Variants in ZNF865 observed in about 807,000 individuals in gnomAD.
ZNF865 encodes zinc finger protein 865.
For missense variants in ZNF865, 1,311 were observed against 1,593.4 expected (o/e 0.82, Z 3.02); for synonymous variants, 763 against 750.8 (o/e 1.02, Z -0.27).
chr19:55,616,808 T>G lies in ZNF865; in HGVS notation c.*10T>G. On this transcript the variant is annotated 3_prime_UTR_variant, in exon 2 of 2. Transcript: ENST00000568956. ...CGGGAAGGATGCCTGACCGAGGGGT[T>G]CCCATCCCACTCCCATCAAAAGCCC... is the stretch of plus-strand genomic sequence containing the variant. 2 of 1,438,456 alleles carry G rather than the reference T, an allele frequency of 1.4e-6. No individual in the cohort carries two copies. The highest frequency in any genetic ancestry group is 1.8e-6 in the Non-Finnish European group (2 of 1,101,298). 89.1% of individuals were successfully genotyped at this position (1,438,456 alleles called of 1,614,324 possible). A position where few individuals can be genotyped will look rare whatever the true frequency, so the allele number is the denominator to read the frequency against.
At chr19:55,613,088 GA>G in intron 1 of ZNF865, 1 of 154,026 alleles carries the variant, frequency 6.5e-6, no homozygotes, top group Non-Finnish European at 1.4e-5. Context: ...ATTGGAGTCT[GA>G]AAAGGAGAGA....
chr19:55,614,452 A>G lies in ZNF865; in HGVS notation c.834A>G (p.Pro278=). The change falls in exon 2 of 2, where the codon CCA becomes CCG. Residue 278 remains proline, a synonymous_variant. Coordinates refer to ENST00000568956, the MANE Select transcript of ZNF865 (RefSeq NM_001195605.2). This position sits in a 1 kb window ranked among gnomAD's most constrained non-coding sequence, Gnocchi z 8.0. ...IRHRRCHKDV[P]PAAGGPPQPG... ...ACCGCCGCTGCCACAAGGACGTGCC[A>G]CCGGCCGCGGGGGGCCCGCCCCAGC... The G allele has an allele frequency of 7.0e-7, 1 of 1,426,388 alleles. No homozygotes were observed. Among genetic ancestry groups the G allele is most frequent in the Non-Finnish European group, 9.2e-7 (1 of 1,089,674 alleles). 88.4% of individuals were successfully genotyped at this position (1,426,388 alleles called of 1,614,324 possible). A position where few individuals can be genotyped will look rare whatever the true frequency, so the allele number is the denominator to read the frequency against.
chr19:55,614,262 G>A lies in ZNF865; in HGVS notation c.644G>A (p.Arg215Lys), dbSNP rs1046614274. 7 of 1,516,068 alleles carry A rather than the reference G, an allele frequency of 4.6e-6. No individual in the cohort carries two copies. Among genetic ancestry groups the A allele is most frequent in the African/African-American group, 2.8e-5 (2 of 70,424 alleles). The allele number at this position is 1,516,068 out of a possible 1,614,324, so 93.9% of individuals were successfully genotyped here. The change falls in exon 2 of 2, where the codon AGA becomes AAA. Residue 215 changes from arginine (R) to lysine (K), a missense_variant. Physicochemically the swap from Arg to Lys is conservative, Grantham distance 26 (BLOSUM62 2). Coordinates refer to ENST00000568956, the MANE Select transcript of ZNF865 (RefSeq NM_001195605.2). The surrounding 1 kb of genome is among the most constrained non-coding windows in gnomAD (Gnocchi z 8.0). Reference protein sequence around the residue: ...PTKDDKGYFRRLKYLMERRFP... With the variant: ...PTKDDKGYFRKLKYLMERRFP... ...AAGGACGACAAGGGCTACTTCCGGA[G>A]ACTGAAGTACCTGATGGAGCGGCGC... is the stretch of plus-strand genomic sequence containing the variant.
chr19:55,616,198 G>C lies in ZNF865; in HGVS notation c.2580G>C (p.Ala860=). 2.6e-6 allele frequency: 4 copies of C among 1,522,504 alleles called. No individual in the cohort carries two copies. Among genetic ancestry groups the C allele is most frequent in the Non-Finnish European group, 2.6e-6 (3 of 1,139,658 alleles). 94.3% of individuals were successfully genotyped at this position (1,522,504 alleles called of 1,614,324 possible). A position where few individuals can be genotyped will look rare whatever the true frequency, so the allele number is the denominator to read the frequency against. Reference sequence around the variant, plus strand: ...TGTGCGGGAAGCGCTTCTGGGAGGCGGCCCTGCTGATGCGCCACCAGCGCT... The same window carrying C: ...TGTGCGGGAAGCGCTTCTGGGAGGCCGCCCTGCTGATGCGCCACCAGCGCT... The part of the protein sequence containing the change: ...CPVCGKRFWE[A]ALLMRHQRCH... The change falls in exon 2 of 2, where the codon GCG becomes GCC. Residue 860 remains alanine (A), a synonymous_variant. Transcript: ENST00000568956.
In ZNF865 at chr19:55,614,958, G is replaced by T; in HGVS notation, c.1340G>T (p.Gly447Val). ...CCCGTGTACCCCTGCGACCTGTGCG[G>T]CAAGTCCTACTCGGCTCCGCAGAGC... ...PRPVYPCDLCGKSYSAPQSLL... is the reference protein window; with the variant it reads ...PRPVYPCDLCVKSYSAPQSLL... The change falls in exon 2 of 2, where the codon GGC becomes GTC. Residue 447 changes from glycine (G) to valine (V), a missense_variant. Coordinates refer to ENST00000568956, the MANE Select transcript of ZNF865 (RefSeq NM_001195605.2). The surrounding 1 kb of genome is among the most constrained non-coding windows in gnomAD (Gnocchi z 8.0). 1 of 1,469,736 alleles carries T rather than the reference G, an allele frequency of 6.8e-7. No individual in the cohort carries two copies. Among genetic ancestry groups the T allele is most frequent in the South Asian group, 1.3e-5 (1 of 74,412 alleles). 91.0% of individuals were successfully genotyped at this position (1,469,736 alleles called of 1,614,324 possible). A position where few individuals can be genotyped will look rare whatever the true frequency, so the allele number is the denominator to read the frequency against.
At position 55,614,590 on chromosome 19, in the gene ZNF865, C is replaced by G; in HGVS notation, c.972C>G (p.Ala324=). 6.6e-7 allele frequency: 1 copy of G among 1,518,452 alleles called. No homozygotes were observed. The highest frequency in any genetic ancestry group is 1.2e-5 in the South Asian group (1 of 81,804). 94.1% of individuals were successfully genotyped at this position (1,518,452 alleles called of 1,614,324 possible). ...SGPPATPVAP[A]PSADGSAAPA... ...CTCCAGCCACGCCCGTGGCGCCTGC[C>G]CCCTCCGCAGACGGGAGCGCCGCCC... Residue 324 remains alanine, a synonymous_variant, in exon 2 of 2, where the codon GCC becomes GCG. Coordinates refer to ENST00000568956, the MANE Select transcript of ZNF865 (RefSeq NM_001195605.2). This position sits in a 1 kb window ranked among gnomAD's most constrained non-coding sequence, Gnocchi z 8.0.
At chr19:55,612,527 G>C (rs917704484) in intron 1 of ZNF865, 2 of 152,174 alleles carry the variant, frequency 1.3e-5, no homozygotes, top group African/African-American at 4.8e-5. Flanking sequence ...TTAGAGCCAA[G>C]GTCTTGCTCT....
chr19:55,608,316 T>G (rs1981013270), intron 1 of ZNF865, among the ~76,000 whole-genome samples: 1 of 150,594 alleles, frequency 6.6e-6, no homozygotes, highest in East Asian at 1.9e-4. Context: ...CTGTGGCTTT[T>G]TTTTTTTTTT....
At chr19:55,609,814 C>G (rs1406450319) in intron 1 of ZNF865, among the ~76,000 whole-genome samples, 1 of 152,204 alleles carries the variant, frequency 6.6e-6, no homozygotes, top group Non-Finnish European at 1.5e-5. Flanking sequence ...GGGTCCCTCC[C>G]CATCATGCTT....
In ZNF865 at chr19:55,616,430, G is replaced by A; in HGVS notation, c.2812G>A (p.Gly938Ser). Residue 938 changes from glycine to serine, a missense_variant, in exon 2 of 2, where the codon GGC (glycine) becomes AGC (serine). Coordinates refer to ENST00000568956, the MANE Select transcript of ZNF865 (RefSeq NM_001195605.2). Reference sequence around the variant, plus strand: ...CCGGCCCCAGCGCTGCAGCGCCTGTGGCAAGACCTTCCGCTACCGCTCCAA... The same window carrying A: ...CCGGCCCCAGCGCTGCAGCGCCTGTAGCAAGACCTTCCGCTACCGCTCCAA... ...VARPQRCSACGKTFRYRSNLL... is the reference protein window; with the variant it reads ...VARPQRCSACSKTFRYRSNLL... 1 of 1,519,986 alleles carries A rather than the reference G, an allele frequency of 6.6e-7. No individual in the cohort carries two copies. Among genetic ancestry groups the A allele is most frequent in the Non-Finnish European group, 8.8e-7 (1 of 1,139,324 alleles). 94.2% of individuals were successfully genotyped at this position (1,519,986 alleles called of 1,614,324 possible). A position where few individuals can be genotyped will look rare whatever the true frequency, so the allele number is the denominator to read the frequency against.
Position 55,611,857 on chromosome 19 carries a change from C to A in ZNF865, c.-26-1736C>A, listed in dbSNP as rs1310111138. ...TGCTTCCCCAGGCCAGCAAGTAGAC[C>A]AAGAACTCGGAGATCAGTTACGGGT... On this transcript the variant is annotated intron_variant, in intron 1 of 1. Coordinates refer to ENST00000568956, the MANE Select transcript of ZNF865 (RefSeq NM_001195605.2). The surrounding 1 kb of genome is among the most constrained non-coding windows in gnomAD (Gnocchi z 4.5). Among the ~76,000 whole-genome samples the A allele has an allele frequency of 6.6e-6, 1 of 152,184 alleles. No homozygotes were observed. Among genetic ancestry groups the A allele is most frequent in the African/African-American group, 2.4e-5 (1 of 41,434 alleles).
In ZNF865 at chr19:55,616,500, G is replaced by A; in HGVS notation, c.2882G>A (p.Arg961His). The change falls in exon 2 of 2, where the codon CGC becomes CAC. Residue 961 changes from arginine to histidine, a missense_variant. By Grantham distance (29) the Arg-to-His change is conservative. Coordinates refer to ENST00000568956, the MANE Select transcript of ZNF865 (RefSeq NM_001195605.2). Reference protein sequence around the residue: ...QRLHLGERAYRCEHCGKGFFY... With the variant: ...QRLHLGERAYHCEHCGKGFFY... Reference sequence around the variant, plus strand: ...CTGCACCTGGGCGAGCGCGCCTACCGCTGTGAGCACTGCGGCAAGGGCTTC... The same window carrying A: ...CTGCACCTGGGCGAGCGCGCCTACCACTGTGAGCACTGCGGCAAGGGCTTC... 6.5e-7 allele frequency: 1 copy of A among 1,534,618 alleles called. No individual in the cohort carries two copies. Among genetic ancestry groups the A allele is most frequent in the Admixed American group, 2.0e-5 (1 of 50,934 alleles).
chr19:55,613,668 G>T lies in ZNF865; in HGVS notation c.50G>T (p.Gly17Val). Residue 17 changes from glycine to valine, a missense_variant, in exon 2 of 2, where the codon GGC becomes GTC. By Grantham distance (109) the Gly-to-Val change is moderately radical. Transcript: ENST00000568956. ...GGCGCCGGGGGTGGCGGGAGCAGCG[G>T]CATCGGGGGCGAGGACGGGGTGCAC... is the stretch of plus-strand genomic sequence containing the variant. ...GSGAGGGGSS[G>V]IGGEDGVHFQ... is the part of the protein sequence containing the mutation. 1 of 1,530,290 alleles carries T rather than the reference G, an allele frequency of 6.5e-7. No individual in the cohort carries two copies. Among genetic ancestry groups the T allele is most frequent in the Non-Finnish European group, 8.7e-7 (1 of 1,144,326 alleles). 94.8% of individuals were successfully genotyped at this position (1,530,290 alleles called of 1,614,324 possible).
At position 55,614,072 on chromosome 19, in the gene ZNF865, C is replaced by G. The variant is rs898798316; in HGVS notation, c.454C>G (p.Leu152Val). The change falls in exon 2 of 2, where the codon CTC (leucine) becomes GTC (valine). Residue 152 changes from leucine to valine, a missense_variant. Physicochemically the swap from Leu to Val is conservative, Grantham distance 32. Coordinates refer to ENST00000568956, the MANE Select transcript of ZNF865 (RefSeq NM_001195605.2). This position sits in a 1 kb window ranked among gnomAD's most constrained non-coding sequence, Gnocchi z 8.0. ...CACTCCGCAGTGGGGCATCGTGGAC[C>G]TCTCGGGGCACCAGCACTTGTTTGG... Reference protein sequence around the residue: ...FPTPQWGIVDLSGHQHLFGNL... With the variant: ...FPTPQWGIVDVSGHQHLFGNL... The G allele has an allele frequency of 1.4e-6, 2 of 1,451,196 alleles. No homozygotes were observed. The highest frequency in any genetic ancestry group is 1.8e-6 in the Non-Finnish European group (2 of 1,108,602). The allele number at this position is 1,451,196 out of a possible 1,614,324, so 89.9% of individuals were successfully genotyped here.
Position 55,614,484 on chromosome 19 carries a change from C to G in ZNF865, c.866C>G (p.Pro289Arg). 7.3e-7 allele frequency: 1 copy of G among 1,370,004 alleles called. No individual in the cohort carries two copies. The highest frequency in any genetic ancestry group is 9.4e-7 in the Non-Finnish European group (1 of 1,064,654). 84.9% of individuals were successfully genotyped at this position (1,370,004 alleles called of 1,614,324 possible). Residue 289 changes from proline to arginine, a missense_variant, in exon 2 of 2, where the codon CCC becomes CGC. By Grantham distance (103) the Pro-to-Arg change is moderately radical (BLOSUM62 -2). Transcript: ENST00000568956. The surrounding 1 kb of genome is among the most constrained non-coding windows in gnomAD (Gnocchi z 8.0). ...PAAGGPPQPGPHLPPLGLPAP... is the reference protein window; with the variant it reads ...PAAGGPPQPGRHLPPLGLPAP... ...GCGGGGGGCCCGCCCCAGCCCGGCC[C>G]CCACCTCCCGCCGCTGGGCCTCCCA...
rs1206293507 is a variant in ZNF865, at chr19:55,615,132, AGGCGGCGGC to A, written c.1518_1526del (p.Ala510_Ala512del). 25 of 1,194,208 alleles carry A rather than the reference AGGCGGCGGC, an allele frequency of 2.1e-5. No homozygotes were observed. Among genetic ancestry groups the A allele is most frequent in the Non-Finnish European group, 2.5e-5 (24 of 963,536 alleles). The allele number at this position is 1,194,208 out of a possible 1,614,324, so 74.0% of individuals were successfully genotyped here. On this transcript the variant is annotated inframe_deletion, in exon 2 of 2. Coordinates refer to ENST00000568956, the MANE Select transcript of ZNF865 (RefSeq NM_001195605.2). ...GACCCTCCCACCACAGACAGCGAGA[AGGCGGCGGC>A]GGCCGCGGCGGCGGTGGTGTACGGC...
In ZNF865 at chr19:55,613,608, A is replaced by G; in HGVS notation, c.-11A>G. 1.3e-6 allele frequency: 2 copies of G among 1,505,058 alleles called. No individual in the cohort carries two copies. Among genetic ancestry groups the G allele is most frequent in the Non-Finnish European group, 1.8e-6 (2 of 1,131,664 alleles). 93.2% of individuals were successfully genotyped at this position (1,505,058 alleles called of 1,614,324 possible). ...CTCTTCACAGGGTCTCCCGTCTCCC[A>G]CCCGCCGGAGATGGAGGCGAACCCA... On this transcript the variant is annotated 5_prime_UTR_variant, in exon 2 of 2. Coordinates refer to ENST00000568956, the MANE Select transcript of ZNF865 (RefSeq NM_001195605.2).
rs757550209 is a variant in ZNF865 at position 55,616,340 on chromosome 19, G to T, written c.2722G>T (p.Val908Leu). 1.3e-6 allele frequency: 2 copies of T among 1,522,386 alleles called. No homozygotes were observed. Among genetic ancestry groups the T allele is most frequent in the Non-Finnish European group, 1.8e-6 (2 of 1,140,076 alleles). The allele number at this position is 1,522,386 out of a possible 1,614,324, so 94.3% of individuals were successfully genotyped here. The change falls in exon 2 of 2, where the codon GTG (valine) becomes TTG (leucine). Residue 908 changes from valine to leucine, a missense_variant. Transcript: ENST00000568956. ...HTGERAFKCG[V>L]CAKRFAQSSS... ...TGGCGAGCGGGCCTTCAAGTGCGGC[G>T]TGTGCGCCAAGCGCTTCGCGCAGTC... is the stretch of plus-strand genomic sequence containing the variant.
chr19:55,607,438 G>GGA (rs1980983630), intron 1 of ZNF865, among the ~76,000 whole-genome samples: 1 of 121,644 alleles, frequency 8.2e-6, no homozygotes, highest in African/African-American at 3.3e-5. Context: ...TGTCTTTACA[G>GGA]GAAAAAAAAA....
Sources: allele counts gnomAD v4.1 joint callset (sites outside exome capture counted in the v4.1 genomes callset), GRCh38; gene constraint gnomAD v4.1.1; non-coding constraint Gnocchi (gnomAD v3.1); transcripts MANE v1.5; gene names NCBI Gene and HGNC (gene_info 2026-07-23, HGNC 2026-07-21).